SLC44A5: variants seen among roughly 807,000 people sequenced by gnomAD.
SLC44A5 encodes solute carrier family 44 member 5.
SLC44A5 carries 57 observed loss-of-function variants against 101.8 expected under a neutral mutation model. The observed-to-expected ratio is 0.56, with a 90% CI of 0.45 to 0.70. The LOEUF (loss-of-function observed/expected upper bound fraction) is 0.70, where lower values mean the gene tolerates loss of function less well. Ranked by LOEUF, SLC44A5 falls within the 30% of genes least tolerant of loss-of-function variation. The pLI is 0.00. For synonymous variants in SLC44A5, 281 were observed against 290.9 expected, an observed-to-expected ratio of 0.97 and a Z score of 0.35; for missense variants, 737 against 853.1, an observed-to-expected ratio of 0.86 and a Z score of 1.70.
chr1:75,648,203 T>G, the SLC44A5 span, among the ~76,000 whole-genome samples: 3 of 152,142 alleles, frequency 2.0e-5, no homozygotes, highest in East Asian at 5.8e-4. Flanking sequence ...TTTTCCCACT[T>G]TGCTTGGCAC....
intron 2 of SLC44A5, among the ~76,000 whole-genome samples, chr1:75,451,301 T>C (rs1328427997): frequency 6.6e-6 from 1 of 152,096 alleles, no homozygotes; most frequent in Non-Finnish European, 1.5e-5. Flanking sequence ...ATCAAGTAAG[T>C]ACCCAGACAT....
At chr1:75,521,308 G>A (rs762277054) in intron 2 of SLC44A5, among the ~76,000 whole-genome samples, 2 of 152,132 alleles carry the variant, frequency 1.3e-5, no homozygotes, top group South Asian at 2.1e-4. Flanking sequence ...ATAGTGTAAC[G>A]TCTGGGACGA....
chr1:75,215,157 T>C (rs1168468524), intron 19 of SLC44A5, among the ~76,000 whole-genome samples: 1 of 152,148 alleles, frequency 6.6e-6, no homozygotes, highest in Non-Finnish European at 1.5e-5. Flanking sequence ...ACTATTTCAA[T>C]CACTTTTCCA....
intron 7 of SLC44A5, among the ~76,000 whole-genome samples, chr1:75,244,405 T>TA (rs1175525126): frequency 2.6e-5 from 4 of 152,118 alleles, no homozygotes; most frequent in Admixed American, 1.3e-4. Context: ...TATTCAGGGT[T>TA]AAAATCTTCC....
intron 4 of SLC44A5, among the ~76,000 whole-genome samples, chr1:75,329,607 T>C (rs1656868995): frequency 6.6e-6 from 1 of 152,208 alleles, no homozygotes; most frequent in Non-Finnish European, 1.5e-5. Flanking sequence ...CAATTCTGCA[T>C]ACTCCACTAG....
intron 2 of SLC44A5, among the ~76,000 whole-genome samples, chr1:75,512,461 T>C (rs1488920572): frequency 6.6e-6 from 1 of 152,190 alleles, no homozygotes; most frequent in African/African-American, 2.4e-5. Flanking sequence ...GAATCCAATT[T>C]TTAGTTAGTG....
the SLC44A5 span, among the ~76,000 whole-genome samples, chr1:75,671,065 T>C: frequency 3.3e-5 from 5 of 152,258 alleles, no homozygotes; most frequent in Non-Finnish European, 7.4e-5. Flanking sequence ...GACCAAAGAC[T>C]TTCCTATGGT....
chr1:75,385,771 A>G (rs1311261205), intron 3 of SLC44A5, among the ~76,000 whole-genome samples: 1 of 152,102 alleles, frequency 6.6e-6, no homozygotes, highest in Non-Finnish European at 1.5e-5. Flanking sequence ...AGAATTTTAG[A>G]CCAATATCCT....
At chr1:75,577,556 C>T (rs996928705) in intron 1 of SLC44A5, among the ~76,000 whole-genome samples, 2 of 152,130 alleles carry the variant, frequency 1.3e-5, no homozygotes, top group South Asian at 2.1e-4. Context: ...TGAGCCCTTC[C>T]CTAAATACCT....
Position 75,236,992 on chromosome 1 carries a change from A to G in SLC44A5, c.735T>C (p.Ile245=), listed in dbSNP as rs773308810. ...FEDYARTWYW[I]LIGLTIAMVL... is the part of the protein sequence containing the mutation. Reference sequence around the variant, plus strand: ...ATCTATGTGTTTTCACTTACATGAGAATCCAATACCAAGTTCTTGCATAGT... The same window carrying G: ...ATCTATGTGTTTTCACTTACATGAGGATCCAATACCAAGTTCTTGCATAGT... Residue 245 remains isoleucine, a synonymous_variant, in exon 11 of 24, where the codon ATT becomes ATC. Transcript: ENST00000370859. 15 of 1,580,284 alleles carry G rather than the reference A, an allele frequency of 9.5e-6. No individual in the cohort carries two copies. The highest frequency in any genetic ancestry group is 1.3e-5 in the Non-Finnish European group (15 of 1,153,000).
intron 2 of SLC44A5, among the ~76,000 whole-genome samples, chr1:75,429,315 G>C (rs1664481705): frequency 6.6e-6 from 1 of 152,156 alleles, no homozygotes; most frequent in African/African-American, 2.4e-5. Context: ...TATTCGACTT[G>C]TGCTACAAGT....
chr1:75,359,460 G>A (rs1438612794), intron 3 of SLC44A5, among the ~76,000 whole-genome samples: 1 of 151,040 alleles, frequency 6.6e-6, no homozygotes, highest in Non-Finnish European at 1.5e-5. Flanking sequence ...AGGCTGATCT[G>A]GAACTCCTGG....
At chr1:75,595,298 A>G (rs955685814) in intron 1 of SLC44A5, among the ~76,000 whole-genome samples, 3 of 152,092 alleles carry the variant, frequency 2.0e-5, no homozygotes, top group Non-Finnish European at 2.9e-5. Context: ...CACTTTATTC[A>G]CACACACAAC....
At chr1:75,461,914 T>C (rs2101696160) in intron 2 of SLC44A5, among the ~76,000 whole-genome samples, 1 of 152,324 alleles carries the variant, frequency 6.6e-6, no homozygotes, top group Non-Finnish European at 1.5e-5. Context: ...CTCTAGTTCC[T>C]GGCTCCCAAA....
intron 2 of SLC44A5, among the ~76,000 whole-genome samples, chr1:75,482,794 A>G (rs1209475481): frequency 6.6e-6 from 1 of 152,202 alleles, no homozygotes; most frequent in African/African-American, 2.4e-5. Context: ...TTTGTTTTAA[A>G]AAGTAAAGAT....
intron 2 of SLC44A5, among the ~76,000 whole-genome samples, chr1:75,445,162 T>A (rs1018881726): frequency 6.6e-6 from 1 of 152,080 alleles, no homozygotes; most frequent in Non-Finnish European, 1.5e-5. Context: ...TGGGAGTGGA[T>A]CCCTCATGAA....
At chr1:75,600,967 AGAGT>A (rs1455903367) in intron 1 of SLC44A5, among the ~76,000 whole-genome samples, 1 of 152,198 alleles carries the variant, frequency 6.6e-6, no homozygotes, top group Non-Finnish European at 1.5e-5. Context: ...GTGAGAAGAA[AGAGT>A]AAGAATATGA....
chr1:75,643,544 G>A, the SLC44A5 span, among the ~76,000 whole-genome samples: 1 of 152,154 alleles, frequency 6.6e-6, no homozygotes, highest in African/African-American at 2.4e-5. Flanking sequence ...TGTCCCCACT[G>A]AAATCTCATC....
intron 11 of SLC44A5, among the ~76,000 whole-genome samples, chr1:75,234,674 T>C (rs1647908260): frequency 6.6e-6 from 1 of 152,060 alleles, no homozygotes; most frequent in African/African-American, 2.4e-5. Context: ...TCATCCAGAC[T>C]TCTATTCCAG....
Sources: allele counts gnomAD v4.1 joint callset (sites outside exome capture counted in the v4.1 genomes callset), GRCh38; gene constraint gnomAD v4.1.1; transcripts MANE v1.5; gene names NCBI Gene and HGNC (gene_info 2026-07-23, HGNC 2026-07-21).